The following NALF1 variants were observed in gnomAD, a reference collection of about 807,000 sequenced individuals.
NALF1 encodes the protein family with sequence similarity 155 member A.
NALF1 carries 3 observed loss-of-function variants against 48.4 expected under a neutral mutation model. The ratio of observed to expected loss-of-function variants is 0.06; its 90% confidence interval spans 0.03 to 0.16. The LOEUF (loss-of-function observed/expected upper bound fraction) is 0.16, where lower values mean the gene tolerates loss of function less well. Among genes scored for constraint, NALF1 ranks in the 10% least tolerant of loss-of-function variants. The pLI, the probability that NALF1 is intolerant of heterozygous loss-of-function variation, is 1.00. For synonymous variants in NALF1, 262 were observed against 245.7 expected (o/e 1.07, Z -0.62); for missense variants, 526 against 571.5 (o/e 0.92, Z 0.81).
At chr13:107,659,373 GT>G (rs1880669533) in intron 1 of NALF1, among the ~76,000 whole-genome samples, 1 of 151,814 alleles carries the variant, frequency 6.6e-6, no homozygotes, top group South Asian at 2.1e-4. Flanking sequence ...TTTGTCTTTG[GT>G]CTCAAGTAGC....
At position 107,498,036 on chromosome 13, in the gene NALF1, T is replaced by A. The variant is rs571622588; in HGVS notation, c.916-287281A>T. Among the ~76,000 whole-genome samples the A allele has an allele frequency of 1.3e-4, 17 of 133,964 alleles. No homozygotes were observed. In the East Asian group the frequency reaches 3.1e-3, roughly 24 times the overall value. The allele number at this position is 133,964 out of a possible 152,430, so 87.9% of individuals were successfully genotyped here. On this transcript the variant is annotated intron_variant, in intron 1 of 2. Coordinates refer to ENST00000375915, the MANE Select transcript of NALF1 (RefSeq NM_001080396.3). ...CTGGTTTTCATGCCAAAAAATCAGA[T>A]GAAGCTAATAACGTGATATTTTATT...
At chr13:107,187,937 A>T (rs1475515798) in intron 2 of NALF1, among the ~76,000 whole-genome samples, 1 of 152,220 alleles carries the variant, frequency 6.6e-6, no homozygotes, top group East Asian at 1.9e-4. Flanking sequence ...AAGTTATAAT[A>T]GCATCCCACT....
At chr13:107,248,722 C>T (rs556063618) in intron 1 of NALF1, among the ~76,000 whole-genome samples, 6 of 151,192 alleles carry the variant, frequency 4.0e-5, no homozygotes, top group South Asian at 2.1e-4. Context: ...ACATTTTTAT[C>T]CCCACAGAAA....
At chr13:107,281,644 G>A (rs1450447299) in intron 1 of NALF1, among the ~76,000 whole-genome samples, 2 of 152,158 alleles carry the variant, frequency 1.3e-5, no homozygotes, top group African/African-American at 4.8e-5. Flanking sequence ...CTTCGAACCT[G>A]ACTGTATTAG....
intron 1 of NALF1, among the ~76,000 whole-genome samples, chr13:107,788,168 T>A (rs2138584638): frequency 6.6e-6 from 1 of 152,284 alleles, no homozygotes; most frequent in Admixed American, 6.5e-5. Context: ...TTTTTTCTAT[T>A]TTCTTCATCC....
intron 2 of NALF1, among the ~76,000 whole-genome samples, chr13:107,200,780 A>G (rs1334733502): frequency 6.6e-6 from 1 of 152,192 alleles, no homozygotes; most frequent in African/African-American, 2.4e-5. Context: ...ATGTTGTGTC[A>G]TGAGCACCAC....
chr13:107,741,361 A>G (rs1364933697), intron 1 of NALF1, among the ~76,000 whole-genome samples: 1 of 152,226 alleles, frequency 6.6e-6, no homozygotes, highest in East Asian at 1.9e-4. Flanking sequence ...TGAAACAATC[A>G]ATTTATTGTT....
At chr13:107,564,060 A>G (rs1877719596) in intron 1 of NALF1, among the ~76,000 whole-genome samples, 1 of 152,190 alleles carries the variant, frequency 6.6e-6, no homozygotes, top group Non-Finnish European at 1.5e-5. Flanking sequence ...CATGGTTCTT[A>G]GCACTTTGGA....
intron 1 of NALF1, among the ~76,000 whole-genome samples, chr13:107,556,313 A>ACC (rs1877478586): frequency 6.7e-6 from 1 of 149,258 alleles, no homozygotes; most frequent in Non-Finnish European, 1.5e-5. Flanking sequence ...ACACACACAC[A>ACC]CACACATATA....
chr13:107,731,249 C>T (rs879853180), intron 1 of NALF1, among the ~76,000 whole-genome samples: 2 of 151,928 alleles, frequency 1.3e-5, no homozygotes, highest in Non-Finnish European at 1.5e-5. Context: ...TCTTTTTGTA[C>T]TAAAAGGAAA....
intron 1 of NALF1, among the ~76,000 whole-genome samples, chr13:107,503,189 T>C (rs117007788): frequency 0.022 from 3,411 of 152,320 alleles, 60 homozygotes; most frequent in Middle Eastern, 0.051. Flanking sequence ...TTTAAGGCAT[T>C]TGAAACTGTG....
In NALF1 at chr13:107,336,729, A is replaced by C. The variant is rs147842592; in HGVS notation, c.916-125974T>G. On this transcript the variant is annotated intron_variant, in intron 1 of 2. Transcript: ENST00000375915. ...GTAGTAGTTTCTTTTTCTTATTAGG[A>C]AATGATCCTGAAAATAATCTACAGT... 5.6e-3 allele frequency among the ~76,000 whole-genome samples: 849 copies of C among 152,288 alleles called. 32 individuals are homozygous for C. The highest frequency in any genetic ancestry group is 1.4e-3 in the Non-Finnish European group (92 of 68,026).
At chr13:107,250,813 C>T (rs1880684048) in intron 1 of NALF1, among the ~76,000 whole-genome samples, 1 of 152,120 alleles carries the variant, frequency 6.6e-6, no homozygotes, top group African/African-American at 2.4e-5. Flanking sequence ...GTCAGACTTC[C>T]CCCTTGCTAT....
chr13:107,172,302 T>C (rs1387824291), intron 2 of NALF1, among the ~76,000 whole-genome samples: 1 of 152,264 alleles, frequency 6.6e-6, no homozygotes, highest in Admixed American at 6.5e-5. Context: ...CATTTTAATT[T>C]CAATTTTCTT....
intron 1 of NALF1, among the ~76,000 whole-genome samples, chr13:107,856,107 A>G (rs1399642360): frequency 6.6e-6 from 1 of 152,132 alleles, no homozygotes; most frequent in Non-Finnish European, 1.5e-5. Context: ...GAGTCTCACT[A>G]TCTTGCCCAA....
intron 1 of NALF1, among the ~76,000 whole-genome samples, chr13:107,242,891 C>A (rs780650119): frequency 1.3e-5 from 2 of 152,246 alleles, no homozygotes; most frequent in African/African-American, 2.4e-5. Context: ...AATATTCTTC[C>A]CTGTCAACCA....
At chr13:107,390,112 G>A (rs1301035713) in intron 1 of NALF1, among the ~76,000 whole-genome samples, 1 of 152,134 alleles carries the variant, frequency 6.6e-6, no homozygotes, top group Non-Finnish European at 1.5e-5. Flanking sequence ...GCTCACACCT[G>A]TAATCCCAAC....
At chr13:107,201,027 C>T (rs940742249) in intron 2 of NALF1, among the ~76,000 whole-genome samples, 20 of 152,158 alleles carry the variant, frequency 1.3e-4, no homozygotes, top group Non-Finnish European at 2.5e-4. Flanking sequence ...TCGGCAGACA[C>T]GCCACTGCAA....
At chr13:107,212,620 G>T (rs1006288112) in intron 1 of NALF1, among the ~76,000 whole-genome samples, 1 of 152,136 alleles carries the variant, frequency 6.6e-6, no homozygotes, top group African/African-American at 2.4e-5. Context: ...CCATGGGGAA[G>T]TTGAAAACGT....
Sources: gnomAD v4.1 joint callset for allele counts (sites outside exome capture counted in the v4.1 genomes callset) on GRCh38, gnomAD v4.1.1 for gene constraint, MANE v1.5 for transcripts, NCBI Gene and HGNC (gene_info 2026-07-23, HGNC 2026-07-21) for gene names.